The following TRIM37 variants were observed in gnomAD, a reference collection of about 807,000 sequenced individuals.
TRIM37 encodes the protein E3 ubiquitin-protein ligase TRIM37.
Under a neutral mutation model 129.8 loss-of-function variants are expected in TRIM37, and 80 were observed. The ratio of observed to expected loss-of-function variants is 0.62; its 90% CI spans 0.51 to 0.74. The LOEUF (loss-of-function observed/expected upper bound fraction) is 0.74. Among genes scored for constraint, TRIM37 ranks in the 30% least tolerant of loss-of-function variants. The pLI is 0.00. For synonymous variants in TRIM37, 389 were observed against 387.1 expected (o/e 1.00, Z -0.06); for missense variants, 1,054 against 1,176.5 (o/e 0.90, Z 1.52).
the TRIM37 span, among the ~76,000 whole-genome samples, chr17:58,976,438 A>C: frequency 1.6e-3 from 249 of 152,288 alleles, 4 homozygotes; most frequent in South Asian, 0.018. Context: ...TGGAAACCAC[A>C]TGGAATAAAA....
intron 22 of TRIM37, among the ~76,000 whole-genome samples, chr17:59,007,992 A>C (rs2034762856): frequency 6.6e-6 from 1 of 152,220 alleles, no homozygotes. Context: ...AAATCCATTC[A>C]ACTGTCTACT....
intron 17 of TRIM37, among the ~76,000 whole-genome samples, chr17:59,033,444 T>C (rs1360029914): frequency 6.6e-6 from 1 of 152,150 alleles, no homozygotes; most frequent in Non-Finnish European, 1.5e-5. Flanking sequence ...CTGTTCTTTG[T>C]TGTGTTTTGA....
At chr17:59,081,939 A>AC (rs2043301895) in intron 5 of TRIM37, among the ~76,000 whole-genome samples, 1 of 79,314 alleles carries the variant, frequency 1.3e-5, no homozygotes, top group African/African-American at 5.5e-5. Context: ...ATAAAAACCA[A>AC]AAAAAAAAAA....
chr17:58,969,842 G>A, the TRIM37 span: 2 of 983,608 alleles, frequency 2.0e-6, no homozygotes, highest in Non-Finnish European at 3.0e-6. Context: ...TATCCAAACT[G>A]TATTCTTGAC....
intron 19 of TRIM37, among the ~76,000 whole-genome samples, chr17:59,026,084 A>T (rs1020244514): frequency 6.6e-6 from 1 of 152,144 alleles, no homozygotes; most frequent in Non-Finnish European, 1.5e-5. Flanking sequence ...AATAAACAAC[A>T]CACACAAAGA....
At chr17:59,057,877 T>C (rs1395653751) in intron 12 of TRIM37, among the ~76,000 whole-genome samples, 1 of 152,128 alleles carries the variant, frequency 6.6e-6, no homozygotes, top group Non-Finnish European at 1.5e-5. Flanking sequence ...ATAGGTCCTT[T>C]TTTCCTCGTA....
At chr17:58,981,624 G>A (rs748092003), downstream of TRIM37, 5 of 152,580 alleles carry the variant, frequency 3.3e-5, no homozygotes, top group Non-Finnish European at 7.3e-5. Flanking sequence ...GACTTGTGAG[G>A]CGGTTTATAG....
downstream of TRIM37, among the ~76,000 whole-genome samples, chr17:58,978,952 C>G (rs919041891): frequency 7.2e-5 from 11 of 152,170 alleles, no homozygotes; most frequent in Non-Finnish European, 1.2e-4. Context: ...CTACCCCAAG[C>G]ACCCTACTCT....
intron 17 of TRIM37, among the ~76,000 whole-genome samples, chr17:59,036,889 G>A (rs1318237313): frequency 1.3e-5 from 2 of 151,978 alleles, no homozygotes; most frequent in Non-Finnish European, 2.9e-5. Context: ...GAGGCGGGTG[G>A]ATCACTTGAG....
chr17:59,019,615 G>A (rs9907821), intron 19 of TRIM37, among the ~76,000 whole-genome samples: 2,902 of 152,226 alleles, frequency 0.019, 87 homozygotes, highest in African/African-American at 0.066. Context: ...GGCTGAGGCA[G>A]GAGAATGGCG....
chr17:59,065,327 C>G (rs1342198522), intron 9 of TRIM37, among the ~76,000 whole-genome samples: 1 of 152,108 alleles, frequency 6.6e-6, no homozygotes, highest in African/African-American at 2.4e-5. Context: ...ATTAACAGAC[C>G]TCAAATACTT....
rs72830716 is a variant in TRIM37, at chr17:59,074,013, C to T, written c.684+1634G>A. 5.4e-3 allele frequency among the ~76,000 whole-genome samples: 820 copies of T among 152,272 alleles called. 2 individuals are homozygous for T. Among genetic ancestry groups the T allele is most frequent in the Non-Finnish European group, 8.3e-3 (565 of 68,008 alleles). On this transcript the variant is annotated intron_variant, in intron 8 of 23. Coordinates refer to ENST00000262294, the MANE Select transcript of TRIM37 (RefSeq NM_015294.6). Reference sequence around the variant, plus strand: ...ATAGTAAATACATAAACCAGTAACACAGTTGTTTATTATGCTTATCAAGTA... The same window carrying T: ...ATAGTAAATACATAAACCAGTAACATAGTTGTTTATTATGCTTATCAAGTA...
At chr17:59,101,673 AAAAAATATAT>A (rs2045501568) in intron 2 of TRIM37, among the ~76,000 whole-genome samples, 2 of 116,870 alleles carry the variant, frequency 1.7e-5, no homozygotes, top group South Asian at 2.4e-4. Context: ...AAAAAAAAAA[AAAAAATATAT>A]ATATATATAT....
chr17:59,016,167 AT>A (rs1216545375), intron 20 of TRIM37, among the ~76,000 whole-genome samples: 1 of 151,808 alleles, frequency 6.6e-6, no homozygotes, highest in Non-Finnish European at 1.5e-5. Flanking sequence ...GCTAAGGCGG[AT>A]GGATCACCTG....
intron 4 of TRIM37, among the ~76,000 whole-genome samples, chr17:59,086,301 G>C (rs1189052463): frequency 2.0e-5 from 3 of 150,506 alleles, no homozygotes; most frequent in East Asian, 3.9e-4. Context: ...GAAGTGGCGC[G>C]ATCTTGGCCC....
chr17:58,996,790 ATATGTG>A (rs923969789), downstream of TRIM37, among the ~76,000 whole-genome samples: 4 of 134,192 alleles, frequency 3.0e-5, no homozygotes, highest in Non-Finnish European at 4.9e-5. Context: ...AAGTATATAT[ATATGTG>A]TGTGTGTGTG....
chr17:59,031,972 G>A lies in TRIM37; in HGVS notation c.1872C>T (p.Asp624=). 6.2e-7 allele frequency: 1 copy of A among 1,614,142 alleles called. No homozygotes were observed. The highest frequency in any genetic ancestry group is 1.1e-5 in the South Asian group (1 of 91,090). ...TTTCTATACTGCTCCGGTCCTTAAG[G>A]TCCAACAAATGTATTAAAATTAATG... ...IDPLILIHLL[D]LKDRSSIENL... The change falls in exon 18 of 24, where the codon GAC becomes GAT. Residue 624 remains aspartate (D), a synonymous_variant. Transcript: ENST00000262294.
chr17:58,976,319 T>C, the TRIM37 span, among the ~76,000 whole-genome samples: 1 of 151,928 alleles, frequency 6.6e-6, no homozygotes, highest in Non-Finnish European at 1.5e-5. Flanking sequence ...GGGAGGGGAA[T>C]TGAGAAAATT....
At chr17:58,967,803 CTT>C in the TRIM37 span, among the ~76,000 whole-genome samples, 12 of 137,990 alleles carry the variant, frequency 8.7e-5, no homozygotes, top group Admixed American at 2.2e-4. Context: ...TTCTTTATTT[CTT>C]TTTTTTTTTT....
Sources: gnomAD v4.1 joint callset for allele counts (sites outside exome capture counted in the v4.1 genomes callset) on GRCh38, gnomAD v4.1.1 for gene constraint, MANE v1.5 for transcripts, NCBI Gene and HGNC (gene_info 2026-07-23, HGNC 2026-07-21) for gene names.